The following CELF1 variants were observed in gnomAD, a reference collection of about 807,000 sequenced individuals.
CELF1 encodes the protein 50 kDa nuclear polyadenylated RNA-binding protein.
A neutral mutation model predicts 61.8 loss-of-function variants in CELF1; 10 were observed. The observed-to-expected ratio is 0.16, with a 90% CI of 0.10 to 0.27. The LOEUF is 0.27. Ranked by LOEUF, CELF1 falls within the 10% of genes least tolerant of loss-of-function variation. The pLI is 1.00. For missense variants in CELF1, 380 were observed against 639.1 expected (o/e 0.59, Z 4.37); for synonymous variants, 236 against 225.1 (o/e 1.05, Z -0.43).
intron 6 of CELF1, among the ~76,000 whole-genome samples, chr11:47,486,023 T>C (rs1417320782): frequency 7.2e-6 from 1 of 138,216 alleles, no homozygotes; most frequent in Non-Finnish European, 1.6e-5. Flanking sequence ...TAGCCGGGCG[T>C]GGTGGCAGGC....
At position 47,510,644 on chromosome 11, in the gene CELF1, G is replaced by A. The variant is rs558555608; in HGVS notation, c.-153-9712C>T. Among the ~76,000 whole-genome samples the A allele has an allele frequency of 2.0e-4, 31 of 151,956 alleles. No homozygotes were observed. In the South Asian group the frequency reaches 5.6e-3, roughly 27 times the overall value. On this transcript the variant is annotated intron_variant, in intron 1 of 14. Transcript: ENST00000687097. ...TTGAACTACAGGTGTGCACCACCACGCCCGGCTAATTTTTGTATTTTTTGT... is the reference window on the plus strand; with the variant it reads ...TTGAACTACAGGTGTGCACCACCACACCCGGCTAATTTTTGTATTTTTTGT...
chr11:47,484,741 C>T (rs1290830783), intron 6 of CELF1, among the ~76,000 whole-genome samples: 3 of 152,134 alleles, frequency 2.0e-5, no homozygotes, highest in Non-Finnish European at 2.9e-5. Flanking sequence ...TGTAATGGCG[C>T]GATCTCGGCT....
intron 1 of CELF1, among the ~76,000 whole-genome samples, chr11:47,505,455 C>T (rs2153573075): frequency 6.6e-6 from 1 of 150,688 alleles, no homozygotes; most frequent in East Asian, 1.9e-4. Flanking sequence ...ACGGTGAAAT[C>T]CCCTCTCTAC....
rs373287978 is a variant in CELF1, at chr11:47,488,929, T to G, written c.167A>C (p.Glu56Ala). 6.2e-7 allele frequency: 1 copy of G among 1,613,252 alleles called. No homozygotes were observed. The highest frequency in any genetic ancestry group is 8.5e-7 in the Non-Finnish European group (1 of 1,179,746). ...TTCGAAGAGTTCCCGCAAGTCCTTT[T>G]CAGACCAGGTCCTTGGAACCTGGCC... The part of the protein sequence containing the change: ...FVGQVPRTWS[E>A]KDLRELFEQY... The change falls in exon 4 of 15, where the codon GAA (glutamate) becomes GCA (alanine). Residue 56 changes from glutamate to alanine, a missense_variant. Glu to Ala is a moderately radical substitution (Grantham distance 107). Coordinates refer to ENST00000687097, the MANE Select transcript of CELF1 (RefSeq NM_001376376.1).
intron 1 of CELF1, among the ~76,000 whole-genome samples, chr11:47,522,890 A>G (rs1227465476): frequency 1.3e-5 from 2 of 152,038 alleles, no homozygotes; most frequent in Non-Finnish European, 2.9e-5. Flanking sequence ...TAAAAAAAAA[A>G]TTGGGTACCT....
intron 1 of CELF1, among the ~76,000 whole-genome samples, chr11:47,522,828 GA>G (rs1349865658): frequency 0.011 from 683 of 60,216 alleles, 2 homozygotes; most frequent in African/African-American, 0.017. Context: ...TCCATCTCCA[GA>G]AAAAAAAAAA....
chr11:47,486,445 T>C (rs1418158977), intron 6 of CELF1, among the ~76,000 whole-genome samples: 1 of 151,764 alleles, frequency 6.6e-6, no homozygotes, highest in East Asian at 1.9e-4. Flanking sequence ...AGTCTCACTC[T>C]GTTGCCTGGG....
chr11:47,549,693 A>C (rs1211507593), intron 1 of CELF1, among the ~76,000 whole-genome samples: 1 of 152,252 alleles, frequency 6.6e-6, no homozygotes, highest in Non-Finnish European at 1.5e-5. Flanking sequence ...GCTGTTGTCC[A>C]ACAGGCATAG....
At position 47,499,562 on chromosome 11, in the gene CELF1, T is replaced by G; in HGVS notation, c.-39A>C. 6.8e-7 allele frequency: 1 copy of G among 1,473,368 alleles called. No homozygotes were observed. Among genetic ancestry groups the G allele is most frequent in the Non-Finnish European group, 9.2e-7 (1 of 1,090,012 alleles). 91.3% of individuals were successfully genotyped at this position (1,473,368 alleles called of 1,614,324 possible). On this transcript the variant is annotated 5_prime_UTR_variant, in exon 3 of 15. Coordinates refer to ENST00000687097, the MANE Select transcript of CELF1 (RefSeq NM_001376376.1). Reference sequence around the variant, plus strand: ...CCTTCAGAAGCCAATGATATTAACTTGCTGCACTTGTCTGATCCACAAATA... The same window carrying G: ...CCTTCAGAAGCCAATGATATTAACTGGCTGCACTTGTCTGATCCACAAATA...
At chr11:47,482,317 G>C (rs1462097868) in intron 9 of CELF1, 1 of 159,198 alleles carries the variant, frequency 6.3e-6, no homozygotes, top group African/African-American at 2.4e-5. Context: ...GACTCAATAA[G>C]GATTTTAATG....
At chr11:47,484,284 C>T (rs1596385889) in intron 7 of CELF1, 105 bp downstream of exon 7, 1 of 1,290,046 alleles carries the variant, frequency 7.8e-7, no homozygotes, top group East Asian at 2.4e-5. Context: ...CACTGCACTC[C>T]AGCCTGGGTG....
chr11:47,483,777 A>C (rs1458089072), intron 7 of CELF1, among the ~76,000 whole-genome samples: 2 of 152,230 alleles, frequency 1.3e-5, no homozygotes, highest in Non-Finnish European at 2.9e-5. Context: ...CCTCTTGAAA[A>C]TAAAAGAAAA....
At chr11:47,484,109 G>T (rs1170948386) in intron 7 of CELF1, among the ~76,000 whole-genome samples, 1 of 152,122 alleles carries the variant, frequency 6.6e-6, no homozygotes, top group Admixed American at 6.5e-5. Flanking sequence ...AAGATGACAG[G>T]ATCGTTTGAG....
At chr11:47,514,575 G>A (rs2153620631) in intron 1 of CELF1, among the ~76,000 whole-genome samples, 1 of 151,598 alleles carries the variant, frequency 6.6e-6, no homozygotes. Flanking sequence ...TCTCTTTTTG[G>A]CCAGGCATGA....
At chr11:47,529,366 T>C (rs561606789) in intron 1 of CELF1, among the ~76,000 whole-genome samples, 1 of 151,636 alleles carries the variant, frequency 6.6e-6, no homozygotes, top group South Asian at 2.1e-4. Context: ...CCGGGTAACG[T>C]GGCGAAACCC....
At chr11:47,562,444 G>A (rs2097229128) in intron 2 of CELF1, among the ~76,000 whole-genome samples, 1 of 145,126 alleles carries the variant, frequency 6.9e-6, no homozygotes, top group South Asian at 2.3e-4. Flanking sequence ...TGGGAGAATT[G>A]CTTGAGCCCA....
chr11:47,482,480 C>T lies in CELF1; in HGVS notation c.768+215G>A, dbSNP rs565637278. The stretch of plus-strand genomic sequence containing the variant: ...TTCACTTTAGTTGCAGCAAAAGCCT[C>T]AAGATATAACCAGAGATGCATGTCC... On this transcript the variant is annotated intron_variant, in intron 9 of 14. Transcript: ENST00000687097. The T allele has an allele frequency of 4.6e-5, 17 of 368,028 alleles. No individual in the cohort carries two copies. The South Asian group carries it at 1.5e-3, about 32-fold the overall frequency. The allele number at this position is 368,028 out of a possible 1,614,324, so 22.8% of individuals were successfully genotyped here.
intron 3 of CELF1, chr11:47,496,121 C>T (rs2093044454): frequency 3.6e-6 from 1 of 278,904 alleles, no homozygotes; most frequent in African/African-American, 2.3e-5. Flanking sequence ...CCAGCTGCTC[C>T]CTAGTGAGAA....
At chr11:47,530,854 T>C (rs559983915) in intron 1 of CELF1, among the ~76,000 whole-genome samples, 6 of 149,208 alleles carry the variant, frequency 4.0e-5, no homozygotes, top group East Asian at 2.0e-4. Flanking sequence ...ACTTGAGAGG[T>C]TGAGGCGGGA....
Sources: allele counts gnomAD v4.1 joint callset (sites outside exome capture counted in the v4.1 genomes callset), GRCh38; gene constraint gnomAD v4.1.1; transcripts MANE v1.5; gene names NCBI Gene and HGNC (gene_info 2026-07-23, HGNC 2026-07-21).